HSD17B12: variants seen among roughly 807,000 people sequenced by gnomAD.
The protein encoded by HSD17B12 is hydroxysteroid 17-beta dehydrogenase 12.
In HSD17B12, 32 loss-of-function variants were observed where a neutral mutation model predicts 39.3. The ratio of observed to expected loss-of-function variants is 0.81; its 90% CI spans 0.61 to 1.09. The LOEUF is 1.09. HSD17B12 is among the 50% of genes least tolerant of loss of function. The pLI, the probability that HSD17B12 is intolerant of heterozygous loss-of-function variation, is 0.00. For missense variants in HSD17B12, 342 were observed against 382.9 expected, an observed-to-expected ratio of 0.89 and a Z score of 0.89; for synonymous variants, 150 against 146.7, an observed-to-expected ratio of 1.02 and a Z score of -0.16.
chr11:43,815,021 A>T (rs1258851415), intron 4 of HSD17B12, among the ~76,000 whole-genome samples: 1 of 152,176 alleles, frequency 6.6e-6, no homozygotes, highest in African/African-American at 2.4e-5. Context: ...TTTTCTGAAA[A>T]CTGTTATAAC....
intron 4 of HSD17B12, among the ~76,000 whole-genome samples, chr11:43,806,039 C>G (rs1951015239): frequency 6.6e-6 from 1 of 152,172 alleles, no homozygotes; most frequent in African/African-American, 2.4e-5. Context: ...GGGGAGTCCC[C>G]AACACAGAGG....
rs71308376 is a variant in HSD17B12, at chr11:43,844,981, G to GTTGTTTGTTTGT, written c.684+4931_684+4942dup. Among the ~76,000 whole-genome samples the GTTGTTTGTTTGT allele has an allele frequency of 3.3e-5, 5 of 151,248 alleles. No individual in the cohort carries two copies. In the East Asian group the frequency reaches 5.9e-4, roughly 18 times the overall value. On this transcript the variant is annotated intron_variant, in intron 9 of 10. Coordinates refer to ENST00000278353, the MANE Select transcript of HSD17B12 (RefSeq NM_016142.3). ...AGTGTGTACTTCTGAAAAATAAGGGGTTGTTTGTTTGTTTGTTTGTTTGTT... is the reference window on the plus strand; with the variant it reads ...AGTGTGTACTTCTGAAAAATAAGGGGTTGTTTGTTTGTTTGTTTGTTTGTTTGTTTGTTTGTT...
At chr11:43,804,287 G>A (rs896531738) in intron 4 of HSD17B12, among the ~76,000 whole-genome samples, 9 of 152,142 alleles carry the variant, frequency 5.9e-5, no homozygotes, top group African/African-American at 1.7e-4. Flanking sequence ...TGTTGATGGC[G>A]TATACAAGTT....
chr11:43,837,065 C>A (rs1951378031), intron 7 of HSD17B12, among the ~76,000 whole-genome samples: 1 of 152,132 alleles, frequency 6.6e-6, no homozygotes, highest in East Asian at 1.9e-4. Context: ...ACAACAACAA[C>A]TTCTTTCCAG....
At chr11:43,659,237 C>G in the HSD17B12 span, among the ~76,000 whole-genome samples, 7 of 152,338 alleles carry the variant, frequency 4.6e-5, no homozygotes, top group African/African-American at 1.7e-4. Flanking sequence ...TTAAGCCCAT[C>G]GGAAGAGCGC....
intron 3 of HSD17B12, among the ~76,000 whole-genome samples, chr11:43,764,579 T>C (rs1338909933): frequency 1.3e-5 from 2 of 152,136 alleles, no homozygotes; most frequent in African/African-American, 4.8e-5. Context: ...TATGGATTTG[T>C]CCTTCACAAT....
intron 7 of HSD17B12, among the ~76,000 whole-genome samples, chr11:43,832,185 A>G (rs1364109021): frequency 6.6e-6 from 1 of 152,198 alleles, no homozygotes; most frequent in Non-Finnish European, 1.5e-5. Flanking sequence ...GGCAGTGGTT[A>G]GACCAGACCA....
the HSD17B12 span, among the ~76,000 whole-genome samples, chr11:43,619,173 A>ATC: frequency 1.3e-5 from 1 of 76,202 alleles, no homozygotes; most frequent in Non-Finnish European, 3.0e-5. Flanking sequence ...TGATATATAT[A>ATC]TATATATAAA....
At chr11:43,574,472 C>T in the HSD17B12 span, among the ~76,000 whole-genome samples, 1 of 152,170 alleles carries the variant, frequency 6.6e-6, no homozygotes, top group Non-Finnish European at 1.5e-5. Context: ...GATATGTGTG[C>T]ATTTAAGGAG....
the HSD17B12 span, among the ~76,000 whole-genome samples, chr11:43,659,968 T>C: frequency 6.6e-6 from 1 of 152,190 alleles, no homozygotes; most frequent in Non-Finnish European, 1.5e-5. Context: ...CTTTAGAACC[T>C]GCCTGCTTGG....
At chr11:43,760,287 C>T (rs1950544777) in intron 3 of HSD17B12, among the ~76,000 whole-genome samples, 1 of 152,010 alleles carries the variant, frequency 6.6e-6, no homozygotes, top group Non-Finnish European at 1.5e-5. Context: ...TGAGCTCAAG[C>T]GATCCTCCCA....
chr11:43,622,572 T>G, the HSD17B12 span, among the ~76,000 whole-genome samples: 1 of 152,012 alleles, frequency 6.6e-6, no homozygotes, highest in Non-Finnish European at 1.5e-5. Context: ...ATAGATAAAG[T>G]GATAAGGAAG....
the HSD17B12 span, among the ~76,000 whole-genome samples, chr11:43,604,177 A>T: frequency 6.6e-6 from 1 of 152,212 alleles, no homozygotes; most frequent in Non-Finnish European, 1.5e-5. Context: ...ATTCTTTAAA[A>T]ATAAAACATA....
the HSD17B12 span, among the ~76,000 whole-genome samples, chr11:43,620,248 A>T: frequency 6.6e-6 from 1 of 152,190 alleles, no homozygotes; most frequent in African/African-American, 2.4e-5. Flanking sequence ...TATTCACTCA[A>T]ACCTCACAAT....
intron 3 of HSD17B12, among the ~76,000 whole-genome samples, chr11:43,766,039 A>G (rs887903032): frequency 3.3e-5 from 5 of 152,018 alleles, no homozygotes; most frequent in Admixed American, 1.3e-4. Context: ...GTTAGCCAAG[A>G]TGGTCTCGAT....
the HSD17B12 span, among the ~76,000 whole-genome samples, chr11:43,662,053 G>T: frequency 6.6e-6 from 1 of 152,106 alleles, no homozygotes. Context: ...TAAAATTTTA[G>T]GCTCGGCATG....
chr11:43,690,253 G>A (rs1275496221), intron 1 of HSD17B12, among the ~76,000 whole-genome samples: 3 of 150,462 alleles, frequency 2.0e-5, no homozygotes, highest in Non-Finnish European at 4.4e-5. Context: ...TGTAAGGCAA[G>A]GATCTTTGTC....
chr11:43,565,967 A>G, the HSD17B12 span, among the ~76,000 whole-genome samples: 4 of 152,186 alleles, frequency 2.6e-5, no homozygotes, highest in African/African-American at 7.2e-5. Context: ...ACTTCTCTCA[A>G]TGTTGGATGG....
Position 43,718,845 on chromosome 11 carries a change from A to T in HSD17B12, c.161-32066A>T. 3.5e-6 allele frequency: 3 copies of T among 865,952 alleles called. No homozygotes were observed. In the South Asian group the frequency reaches 3.9e-5, roughly 11 times the overall value. The allele number at this position is 865,952 out of a possible 1,614,324, so 53.6% of individuals were successfully genotyped here. ...CCCAAGACACCACGACTCCGGAAGC[A>T]GCCCAAATATCCTCGGAAAAGCACC... On this transcript the variant is annotated intron_variant, in intron 1 of 10. Transcript: ENST00000278353.
Sources: gnomAD v4.1 joint callset for allele counts (sites outside exome capture counted in the v4.1 genomes callset) on GRCh38, gnomAD v4.1.1 for gene constraint, MANE v1.5 for transcripts, NCBI Gene and HGNC (gene_info 2026-07-23, HGNC 2026-07-21) for gene names.